CDRT4: variants seen among roughly 807,000 people sequenced by gnomAD.
CDRT4 encodes the protein CMT1A duplicated region transcript 4 protein.
For missense variants in CDRT4, 167 were observed against 193.1 expected, an observed-to-expected ratio of 0.87 and a Z score of 0.80; for synonymous variants, 64 against 69.6, an observed-to-expected ratio of 0.92 and a Z score of 0.40.
rs560462201 is a variant in CDRT4, at chr17:15,464,041, A to G, written c.-130+3419T>C. 6.6e-6 allele frequency among the ~76,000 whole-genome samples: 1 copy of G among 152,174 alleles called. No homozygotes were observed. The highest frequency in any genetic ancestry group is 2.4e-5 in the African/African-American group (1 of 41,452). ...ACAGAGCACGGGGACCAGGAACCCAATGCCCTCTAGGAGTATGGCATGGAG... is the reference window on the plus strand; with the variant it reads ...ACAGAGCACGGGGACCAGGAACCCAGTGCCCTCTAGGAGTATGGCATGGAG... On this transcript the variant is annotated intron_variant, in intron 1 of 3. Coordinates refer to ENST00000619038, the MANE Select transcript of CDRT4 (RefSeq NM_001204477.2). The surrounding 1 kb of genome is among the most constrained non-coding windows in gnomAD (Gnocchi z 4.5).
intron 2 of CDRT4, among the ~76,000 whole-genome samples, chr17:15,440,858 C>T (rs1056306852): frequency 6.6e-6 from 1 of 152,140 alleles, no homozygotes; most frequent in African/African-American, 2.4e-5. Flanking sequence ...GGTTCTCAAA[C>T]TTGAGGCTGC....
rs138131703 is a variant in CDRT4, at chr17:15,438,142, C to T, written c.90G>A (p.Pro30=). The T allele has an allele frequency of 1.6e-3, 2,642 of 1,614,090 alleles. 3 individuals carry two copies. The highest frequency in any genetic ancestry group is 2.0e-3 in the Non-Finnish European group (2,363 of 1,180,030). Residue 30 remains proline (P), a synonymous_variant, in exon 4 of 4, where the codon CCG becomes CCA. Coordinates refer to ENST00000619038, the MANE Select transcript of CDRT4 (RefSeq NM_001204477.2). ...RKLLEKHDPW[P]AYVTYTSQTV... ...TCTGAGAGGTATAGGTGACATAGGC[C>T]GGCCAGGGGTCATGTTTTTCAAGTA... is the stretch of plus-strand genomic sequence containing the variant.
intron 1 of CDRT4, among the ~76,000 whole-genome samples, chr17:15,460,435 T>C (rs1979695009): frequency 6.6e-6 from 1 of 152,188 alleles, no homozygotes; most frequent in Non-Finnish European, 1.5e-5. Context: ...ACTATAGGTG[T>C]TTATGTTTTA....
chr17:15,450,667 A>T lies in CDRT4; in HGVS notation c.-48+2337T>A, dbSNP rs1468903744. Among the ~76,000 whole-genome samples the T allele has an allele frequency of 2.6e-5, 4 of 151,790 alleles. No homozygotes were observed. The highest frequency in any genetic ancestry group is 5.9e-5 in the Non-Finnish European group (4 of 67,996). On this transcript the variant is annotated intron_variant, in intron 2 of 3. Coordinates refer to ENST00000619038, the MANE Select transcript of CDRT4 (RefSeq NM_001204477.2). This position sits in a 1 kb window ranked among gnomAD's most constrained non-coding sequence, Gnocchi z 4.2. Reference sequence around the variant, plus strand: ...CAATTTGCCACATCTAACTAGACTGACTTCTTTCCCAAAGTCCAAATACAT... The same window carrying T: ...CAATTTGCCACATCTAACTAGACTGTCTTCTTTCCCAAAGTCCAAATACAT...
At chr17:15,463,779 C>T (rs1445010855) in intron 1 of CDRT4, among the ~76,000 whole-genome samples, 2 of 152,148 alleles carry the variant, frequency 1.3e-5, no homozygotes, top group Admixed American at 6.5e-5. Flanking sequence ...AGCATCCTCC[C>T]GCCTGCCCGT....
At position 15,437,923 on chromosome 17, in the gene CDRT4, G is replaced by GC. The variant is rs775196750; in HGVS notation, c.308dup (p.Ala104ArgfsTer28). On this transcript the variant is annotated frameshift_variant, in exon 4 of 4. Transcript: ENST00000619038. LOFTEE classifies it low-confidence loss of function (END_TRUNC). ...GAGCCATGGCCAATACCGAATAAGCGCCCCACATTGATAACGTGGATTCTG... is the reference window on the plus strand; with the variant it reads ...GAGCCATGGCCAATACCGAATAAGCGCCCCCACATTGATAACGTGGATTCTG... The GC allele has an allele frequency of 2.5e-6, 4 of 1,614,110 alleles. No homozygotes were observed. The South Asian group carries it at 3.3e-5, about 13-fold the overall frequency.
At chr17:15,438,364 G>C (rs1362714369) in intron 3 of CDRT4, among the ~76,000 whole-genome samples, 164 bp from the exon 4 acceptor site, 1 of 152,126 alleles carries the variant, frequency 6.6e-6, no homozygotes, top group Non-Finnish European at 1.5e-5. Flanking sequence ...GGAACAGAAC[G>C]ACATCCTAGA....
intron 2 of CDRT4, among the ~76,000 whole-genome samples, chr17:15,448,471 G>A (rs922721693): frequency 2.9e-4 from 44 of 152,198 alleles, no homozygotes; most frequent in African/African-American, 1.0e-3. Flanking sequence ...CACGTAAACT[G>A]ATGACCTTGC....
chr17:15,454,037 A>AT (rs775344003), intron 1 of CDRT4, among the ~76,000 whole-genome samples: 8 of 152,164 alleles, frequency 5.3e-5, no homozygotes, highest in Non-Finnish European at 8.8e-5. Flanking sequence ...ATGCAGTCCA[A>AT]TGTTCAGGCT....
chr17:15,461,763 G>A (rs940494161), intron 1 of CDRT4, among the ~76,000 whole-genome samples: 2 of 152,096 alleles, frequency 1.3e-5, no homozygotes, highest in South Asian at 4.1e-4. Context: ...TAGGAATATA[G>A]GCTATATATA....
intron 2 of CDRT4, among the ~76,000 whole-genome samples, chr17:15,445,150 T>C (rs754650683): frequency 6.0e-4 from 92 of 152,314 alleles, no homozygotes; most frequent in Non-Finnish European, 1.0e-3. Flanking sequence ...TCCATTTACA[T>C]AGTCATGATG....
At chr17:15,461,191 C>T (rs1979731988) in intron 1 of CDRT4, among the ~76,000 whole-genome samples, 1 of 152,180 alleles carries the variant, frequency 6.6e-6, no homozygotes, top group Non-Finnish European at 1.5e-5. Context: ...CCTCTTAGAA[C>T]TTGAATTCCA....
chr17:15,440,476 G>T (rs944309859), intron 2 of CDRT4, among the ~76,000 whole-genome samples, 191 bp from the exon 3 acceptor site: 1 of 152,164 alleles, frequency 6.6e-6, no homozygotes, highest in Non-Finnish European at 1.5e-5. Context: ...AGGCCTGCAG[G>T]CATGGCCTTG....
intron 3 of CDRT4, 63 bp downstream of exon 3, chr17:15,440,145 G>A (rs371161962): frequency 1.3e-4 from 201 of 1,524,446 alleles, no homozygotes; most frequent in Admixed American, 3.1e-4. Context: ...TTCCCACTGC[G>A]AATCCTCCAA....
chr17:15,438,024 G>T lies in CDRT4; in HGVS notation c.208C>A (p.Pro70Thr), dbSNP rs1250534119. The change falls in exon 4 of 4, where the codon CCT (proline) becomes ACT (threonine). Residue 70 changes from proline (P) to threonine (T), a missense_variant. By Grantham distance (38) the Pro-to-Thr change is conservative. Coordinates refer to ENST00000619038, the MANE Select transcript of CDRT4 (RefSeq NM_001204477.2). ...CTTTTCGGCTGAATGACGCTGGAAG[G>T]TTTATTCTGCCTTGATGCCCAGGGT... Reference protein sequence around the residue: ...ERPWASRQNKPSSVIQPKRRK... With the variant: ...ERPWASRQNKTSSVIQPKRRK... 2.5e-6 allele frequency: 4 copies of T among 1,614,178 alleles called. No individual in the cohort carries two copies. Among genetic ancestry groups the T allele is most frequent in the Non-Finnish European group, 3.4e-6 (4 of 1,180,034 alleles).
At chr17:15,466,401 C>T (rs911054109) in intron 1 of CDRT4, among the ~76,000 whole-genome samples, 3 of 152,184 alleles carry the variant, frequency 2.0e-5, no homozygotes, top group East Asian at 1.9e-4. Context: ...TCTGCAGAAA[C>T]GAGTCTCTTC....
intron 2 of CDRT4, among the ~76,000 whole-genome samples, chr17:15,441,256 C>T (rs924815554): frequency 6.6e-6 from 1 of 152,140 alleles, no homozygotes; most frequent in Non-Finnish European, 1.5e-5. Flanking sequence ...ACTTTGAGAA[C>T]CATGGGTCGA....
At chr17:15,460,399 C>CTAA (rs58199786) in intron 1 of CDRT4, among the ~76,000 whole-genome samples, 33,416 of 151,924 alleles carry the variant, frequency 0.22, 7,221 homozygotes, top group African/African-American at 0.53. Context: ...ACTACTGCTG[C>CTAA]TAATAATAAT....
chr17:15,440,312 G>A (rs1340243408), intron 2 of CDRT4, 27 bp from the exon 3 acceptor site: 2 of 1,605,222 alleles, frequency 1.2e-6, no homozygotes, highest in Admixed American at 1.7e-5. Flanking sequence ...TTGTTAGCCA[G>A]AGCCTCCTCA....
Sources: gnomAD v4.1 joint callset for allele counts (sites outside exome capture counted in the v4.1 genomes callset) on GRCh38, gnomAD v4.1.1 for gene constraint, Gnocchi (gnomAD v3.1) non-coding constraint, MANE v1.5 for transcripts, NCBI Gene and HGNC (gene_info 2026-07-23, HGNC 2026-07-21) for gene names.